The following ANAPC5 variants were observed in gnomAD, a reference collection of about 807,000 sequenced individuals.
ANAPC5 encodes the protein anaphase-promoting complex subunit 5.
ANAPC5 carries 60 observed loss-of-function variants against 91.3 expected under a neutral mutation model. The ratio of observed to expected loss-of-function variants is 0.66; its 90% CI spans 0.53 to 0.81. The LOEUF (loss-of-function observed/expected upper bound fraction) is 0.81, where lower values mean the gene tolerates loss of function less well. Ranked by LOEUF, ANAPC5 falls within the 40% of genes least tolerant of loss-of-function variation. ANAPC5 has a pLI of 0.00. For synonymous variants in ANAPC5, 340 were observed against 364.1 expected, an observed-to-expected ratio of 0.93 and a Z score of 0.75; for missense variants, 690 against 931.5, an observed-to-expected ratio of 0.74 and a Z score of 3.37.
chr12:121,313,045 G>GC (rs1206640399), intron 15 of ANAPC5, among the ~76,000 whole-genome samples: 1 of 152,150 alleles, frequency 6.6e-6, no homozygotes, highest in Non-Finnish European at 1.5e-5. Flanking sequence ...TAGAAAAGAG[G>GC]CCGGGCGCGG....
Position 121,308,702 on chromosome 12 carries a change from G to A in ANAPC5, c.2057-11C>T. 4 of 1,611,280 alleles carry A rather than the reference G, an allele frequency of 2.5e-6. No homozygotes were observed. The highest frequency in any genetic ancestry group is 3.4e-6 in the Non-Finnish European group (4 of 1,177,416). On this transcript the variant is annotated splice_polypyrimidine_tract_variant and intron_variant, in intron 16 of 16. Transcript: ENST00000261819. ...TGGCAGCCTCCAGAGCTGACGGAAA[G>A]GGGAAAATAACACACACATTTAACT...
intron 11 of ANAPC5, 23 bp downstream of exon 11, chr12:121,327,073 C>T (rs781877821): frequency 5.7e-6 from 9 of 1,577,142 alleles, no homozygotes; most frequent in African/African-American, 2.7e-5. Flanking sequence ...TCCAGAAGCA[C>T]GTGGGCCCGG....
intron 15 of ANAPC5, among the ~76,000 whole-genome samples, chr12:121,317,211 T>C (rs1377485814): frequency 1.3e-5 from 2 of 152,066 alleles, no homozygotes; most frequent in African/African-American, 4.8e-5. Flanking sequence ...CACTGAAATG[T>C]ACACTTTAAA....
chr12:121,328,399 G>A lies in ANAPC5; in HGVS notation c.1221C>T (p.Leu407=), dbSNP rs1902904458. The change falls in exon 10 of 17, where the codon CTC becomes CTT. Residue 407 remains leucine (L), a synonymous_variant. Transcript: ENST00000261819. ...CTGACAGGCTGTGTTTCCAGTGCAG[G>A]AGGTCGGAGTCCTTTAGGGCATCCA... ...KLMDALKDSD[L]LHWKHSLSEL... 6.2e-7 allele frequency: 1 copy of A among 1,613,850 alleles called. No individual in the cohort carries two copies. Among genetic ancestry groups the A allele is most frequent in the Non-Finnish European group, 8.5e-7 (1 of 1,180,018 alleles).
intron 13 of ANAPC5, among the ~76,000 whole-genome samples, chr12:121,319,209 T>C (rs1902502339): frequency 6.6e-6 from 1 of 150,950 alleles, no homozygotes; most frequent in Non-Finnish European, 1.5e-5. Context: ...GAGATACTTA[T>C]TTTCTTCATT....
At chr12:121,338,917 G>A (rs1903344086) in intron 5 of ANAPC5, among the ~76,000 whole-genome samples, 1 of 151,482 alleles carries the variant, frequency 6.6e-6, no homozygotes, top group African/African-American at 2.4e-5. Context: ...ATAATACAGG[G>A]TGTATTCCAA....
Position 121,347,121 on chromosome 12 carries a change from T to A in ANAPC5, c.288-116A>T, listed in dbSNP as rs1481502282. ...TTTACAGGCAATTCAGAGATTTGTA[T>A]AAAATGGTGGCTCATAAAACAAACT... On this transcript the variant is annotated intron_variant, in intron 2 of 16. Transcript: ENST00000261819. The A allele has an allele frequency of 5.2e-6, 3 of 576,170 alleles. No homozygotes were observed. The African/African-American group carries it at 5.8e-5, about 11-fold the overall frequency. 35.7% of individuals were successfully genotyped at this position (576,170 alleles called of 1,614,324 possible). A position where few individuals can be genotyped will look rare whatever the true frequency, so the allele number is the denominator to read the frequency against.
At chr12:121,324,898 C>T (rs1170033039) in intron 11 of ANAPC5, among the ~76,000 whole-genome samples, 5 of 151,952 alleles carry the variant, frequency 3.3e-5, no homozygotes, top group East Asian at 1.9e-4. Flanking sequence ...ATAAAAAATA[C>T]GCTGGGTGTG....
chr12:121,349,461 G>A (rs557473705), intron 1 of ANAPC5, among the ~76,000 whole-genome samples: 2 of 152,126 alleles, frequency 1.3e-5, no homozygotes, highest in African/African-American at 4.8e-5. Context: ...TTAGAAGACT[G>A]AGGTAGGAGG....
chr12:121,352,289 C>A lies in ANAPC5; in HGVS notation c.52G>T (p.Val18Phe). ...LYFNPMMTNG[V>F]VHANVFGIKD... Reference sequence around the variant, plus strand: ...ATGCCGAACACATTGGCGTGCACAACCCCATTGGTCATCATGGGATTGAAG... The same window carrying A: ...ATGCCGAACACATTGGCGTGCACAAACCCATTGGTCATCATGGGATTGAAG... Residue 18 changes from valine (V) to phenylalanine (F), a missense_variant, in exon 1 of 17, where the codon GTT becomes TTT. This residue lies in a region of ANAPC5 where 238 missense variants were observed against 264.9 expected (regional missense o/e 0.90). Coordinates refer to ENST00000261819, the MANE Select transcript of ANAPC5 (RefSeq NM_016237.5). 6.2e-7 allele frequency: 1 copy of A among 1,613,670 alleles called. No homozygotes were observed. The highest frequency in any genetic ancestry group is 2.2e-5 in the East Asian group (1 of 44,858).
intron 6 of ANAPC5, 101 bp from the exon 7 acceptor site, chr12:121,335,824 T>G: frequency 4.3e-6 from 4 of 929,760 alleles, no homozygotes; most frequent in Non-Finnish European, 4.7e-6. Context: ...GTGTATCCCA[T>G]ACCCTTCTAA....
upstream of ANAPC5, among the ~76,000 whole-genome samples, chr12:121,353,416 C>A (rs540266703): frequency 6.8e-6 from 1 of 146,358 alleles, no homozygotes; most frequent in Non-Finnish European, 1.5e-5. Flanking sequence ...TATCCACATG[C>A]ACACACTGTG....
intron 3 of ANAPC5, chr12:121,346,441 A>G (rs1462912457): frequency 5.6e-6 from 1 of 178,896 alleles, no homozygotes; most frequent in African/African-American, 2.3e-5. Context: ...GCTGAATAAC[A>G]TAAAAATTAC....
At position 121,347,020 on chromosome 12, in the gene ANAPC5, C is replaced by T. The variant is rs1297817312; in HGVS notation, c.288-15G>A. ...TCAGTTTGATTCTGAATGAGAAAAT[C>T]GAGGTGCATATTTTAGAAAGGCCCT... On this transcript the variant is annotated splice_polypyrimidine_tract_variant and intron_variant, in intron 2 of 16. Coordinates refer to ENST00000261819, the MANE Select transcript of ANAPC5 (RefSeq NM_016237.5). 8 of 1,550,424 alleles carry T rather than the reference C, an allele frequency of 5.2e-6. No individual in the cohort carries two copies. Among genetic ancestry groups the T allele is most frequent in the South Asian group, 1.2e-5 (1 of 85,664 alleles).
At chr12:121,310,592 A>G (rs1902125520) in intron 15 of ANAPC5, among the ~76,000 whole-genome samples, 1 of 151,884 alleles carries the variant, frequency 6.6e-6, no homozygotes, top group Non-Finnish European at 1.5e-5. Flanking sequence ...TCTACTTAAC[A>G]CACAAGAAAG....
intron 5 of ANAPC5, among the ~76,000 whole-genome samples, chr12:121,339,676 T>A (rs1159592657): frequency 6.6e-6 from 1 of 151,380 alleles, no homozygotes; most frequent in Non-Finnish European, 1.5e-5. Flanking sequence ...ACCATGTTGG[T>A]CAGGCTGGTC....
chr12:121,319,967 T>C (rs1481977147), intron 12 of ANAPC5, 149 bp from the exon 13 acceptor site: 2 of 761,044 alleles, frequency 2.6e-6, no homozygotes, highest in East Asian at 2.9e-5. Context: ...TTTTAAAATA[T>C]CTCAAGTATG....
Position 121,327,113 on chromosome 12 carries a change from C to T in ANAPC5, c.1423G>A (p.Glu475Lys). ...CTGCCTACCTGCTCCGCGTGTAGCT[C>T]TGCGAGGTGGCAGAGTGCGACAGCA... ...SFAVALCHLA[E>K]LHAEQGCFAA... The change falls in exon 11 of 17, where the codon GAG becomes AAG. Residue 475 changes from glutamate to lysine, a missense_variant. This residue lies in a region of ANAPC5 where 317 missense variants were observed against 438.7 expected (regional missense o/e 0.72). Transcript: ENST00000261819. 2 of 1,609,082 alleles carry T rather than the reference C, an allele frequency of 1.2e-6. No homozygotes were observed. Among genetic ancestry groups the T allele is most frequent in the Non-Finnish European group, 1.7e-6 (2 of 1,178,608 alleles).
At chr12:121,320,517 TA>T in intron 11 of ANAPC5, 58 bp from the exon 12 acceptor site, 7 of 1,438,398 alleles carry the variant, frequency 4.9e-6, no homozygotes, top group Non-Finnish European at 6.8e-6. Flanking sequence ...ACACCTGCTG[TA>T]CCATGCACAG....
Sources: gnomAD v4.1 joint callset for allele counts (sites outside exome capture counted in the v4.1 genomes callset) on GRCh38, gnomAD v4.1.1 for gene constraint, gnomAD v4.1.1 regional missense constraint, MANE v1.5 for transcripts, NCBI Gene and HGNC (gene_info 2026-07-23, HGNC 2026-07-21) for gene names.